Variants in ARHGAP24 observed in about 807,000 individuals in gnomAD.
The protein encoded by ARHGAP24 is Rho GTPase activating protein 24.
Under a neutral mutation model 76.4 loss-of-function variants are expected in ARHGAP24, and 50 were observed. That is an observed-to-expected ratio of 0.65 (90% CI 0.52 to 0.83). ARHGAP24 has a LOEUF of 0.83. Ranked by LOEUF, ARHGAP24 falls within the 40% of genes least tolerant of loss-of-function variation. The pLI is 0.00. For synonymous variants in ARHGAP24, 345 were observed against 323.3 expected, an observed-to-expected ratio of 1.07 and a Z score of -0.72; for missense variants, 930 against 914.2, an observed-to-expected ratio of 1.02 and a Z score of -0.22.
intron 3 of ARHGAP24, among the ~76,000 whole-genome samples, chr4:85,762,083 G>A (rs1403506258): frequency 6.6e-6 from 1 of 152,174 alleles, no homozygotes; most frequent in Non-Finnish European, 1.5e-5. Flanking sequence ...CATCCCATCA[G>A]TGGACACATC....
chr4:85,682,578 T>C (rs1560583545), intron 2 of ARHGAP24, among the ~76,000 whole-genome samples: 1 of 152,212 alleles, frequency 6.6e-6, no homozygotes, highest in Non-Finnish European at 1.5e-5. Flanking sequence ...AAATGCAGAA[T>C]CATCAGTTTA....
At chr4:85,740,899 G>A (rs1377272786) in intron 3 of ARHGAP24, among the ~76,000 whole-genome samples, 2 of 152,130 alleles carry the variant, frequency 1.3e-5, no homozygotes, top group Non-Finnish European at 2.9e-5. Flanking sequence ...GCATAAAAAA[G>A]CAGTAATGAA....
chr4:85,731,064 T>C (rs1578179686), intron 3 of ARHGAP24, among the ~76,000 whole-genome samples: 2 of 151,746 alleles, frequency 1.3e-5, no homozygotes, highest in East Asian at 3.9e-4. Flanking sequence ...TGTGTATATA[T>C]ACATATATGT....
At chr4:85,551,647 T>G (rs1469399799) in intron 1 of ARHGAP24, among the ~76,000 whole-genome samples, 5 of 152,200 alleles carry the variant, frequency 3.3e-5, no homozygotes, top group African/African-American at 1.2e-4. Context: ...AGAATTTGGC[T>G]GTGGTCCTGG....
intron 8 of ARHGAP24, among the ~76,000 whole-genome samples, chr4:85,983,496 GA>G (rs771031301): frequency 1.3e-5 from 2 of 151,838 alleles, no homozygotes; most frequent in East Asian, 3.9e-4. Flanking sequence ...CATCTCATTG[GA>G]ACTTAAACAA....
intron 2 of ARHGAP24, among the ~76,000 whole-genome samples, chr4:85,720,056 T>C (rs892218896): frequency 4.6e-5 from 7 of 151,324 alleles, no homozygotes; most frequent in African/African-American, 1.2e-4. Context: ...TAGCTGGGAA[T>C]TGAACAGTGA....
chr4:85,697,962 T>C (rs1319252745), intron 2 of ARHGAP24, among the ~76,000 whole-genome samples: 1 of 152,224 alleles, frequency 6.6e-6, no homozygotes, highest in Admixed American at 6.5e-5. Flanking sequence ...ATGTTCATTG[T>C]TTAATCTTGA....
chr4:85,507,121 G>A (rs142716556), intron 1 of ARHGAP24, among the ~76,000 whole-genome samples: 1 of 152,260 alleles, frequency 6.6e-6, no homozygotes, highest in African/African-American at 2.4e-5. Context: ...ATGAACTGAG[G>A]GAGAATGCTT....
intron 2 of ARHGAP24, 85 bp from the exon 3 acceptor site, chr4:85,721,800 C>A: frequency 8.4e-7 from 1 of 1,186,364 alleles, no homozygotes; most frequent in Non-Finnish European, 1.3e-6. Context: ...GTTATAGCTA[C>A]ACCTTGGATA....
rs1438254132 is a variant in ARHGAP24, at chr4:85,888,179, G to T, written c.269-35469G>T. 2.0e-5 allele frequency among the ~76,000 whole-genome samples: 3 copies of T among 152,064 alleles called. No individual in the cohort carries two copies. The East Asian group carries it at 5.8e-4, about 29-fold the overall frequency. On this transcript the variant is annotated intron_variant, in intron 3 of 9. Transcript: ENST00000395184. ...GCATTTTGGGAGGCCAAGGCAGGTG[G>T]ATCACGAGGTCAGGAGTTTGAGACC...
chr4:85,629,404 G>A (rs923944840), intron 2 of ARHGAP24, among the ~76,000 whole-genome samples: 2 of 151,998 alleles, frequency 1.3e-5, no homozygotes, highest in African/African-American at 4.8e-5. Context: ...TATAATAATA[G>A]AGTCTTCTGA....
chr4:85,876,356 G>C (rs971586704), intron 3 of ARHGAP24, among the ~76,000 whole-genome samples: 1 of 152,134 alleles, frequency 6.6e-6, no homozygotes, highest in Non-Finnish European at 1.5e-5. Flanking sequence ...TAGTTTGTTG[G>C]AAGGAAACTT....
At chr4:85,697,490 G>A (rs1308837994) in intron 2 of ARHGAP24, among the ~76,000 whole-genome samples, 3 of 151,656 alleles carry the variant, frequency 2.0e-5, no homozygotes, top group African/African-American at 7.3e-5. Flanking sequence ...AAAACTTAAA[G>A]TATAATAATA....
Position 85,995,178 on chromosome 4 carries a change from T to C in ARHGAP24, c.1524T>C (p.Tyr508=), listed in dbSNP as rs1264750600. ...VRNMSWLPNG[Y]VTLRDNKQKE... is the part of the protein sequence containing the mutation. The stretch of plus-strand genomic sequence containing the variant: ...ACATGAGCTGGCTGCCAAATGGCTA[T>C]GTGACCCTGAGGGATAACAAGCAGA... Residue 508 remains tyrosine, a synonymous_variant, in exon 9 of 10, where the codon TAT becomes TAC. Transcript: ENST00000395184. The C allele has an allele frequency of 5.0e-6, 8 of 1,613,982 alleles. No homozygotes were observed. Among genetic ancestry groups the C allele is most frequent in the Non-Finnish European group, 5.9e-6 (7 of 1,180,010 alleles).
chr4:85,564,288 A>C (rs10084886), intron 1 of ARHGAP24, among the ~76,000 whole-genome samples: 36,314 of 151,810 alleles, frequency 0.24, 4,620 homozygotes, highest in African/African-American at 0.28. Context: ...TTATGGCTGC[A>C]AGGACAAAAA....
chr4:85,942,387 A>C, intron 5 of ARHGAP24, 114 bp downstream of exon 5: 1 of 1,269,720 alleles, frequency 7.9e-7, no homozygotes, highest in Non-Finnish European at 1.1e-6. Context: ...TTTACAACAT[A>C]GATTATTTGG....
intron 3 of ARHGAP24, among the ~76,000 whole-genome samples, chr4:85,864,207 T>C (rs984249322): frequency 1.3e-5 from 2 of 152,012 alleles, no homozygotes; most frequent in Admixed American, 1.3e-4. Flanking sequence ...TGCTCTTTGT[T>C]AGAAAATGAT....
At chr4:85,952,387 A>G (rs1310895312) in intron 5 of ARHGAP24, among the ~76,000 whole-genome samples, 1 of 152,202 alleles carries the variant, frequency 6.6e-6, no homozygotes, top group Non-Finnish European at 1.5e-5. Flanking sequence ...TTTTGCACAT[A>G]TCTGTCCTCA....
intron 1 of ARHGAP24, among the ~76,000 whole-genome samples, chr4:85,500,752 A>G (rs1462305864): frequency 6.6e-6 from 1 of 152,118 alleles, no homozygotes; most frequent in Non-Finnish European, 1.5e-5. Context: ...GTTCTAGGGT[A>G]CATGTGCACA....
Sources: allele counts gnomAD v4.1 joint callset (sites outside exome capture counted in the v4.1 genomes callset), GRCh38; gene constraint gnomAD v4.1.1; transcripts MANE v1.5; gene names NCBI Gene and HGNC (gene_info 2026-07-23, HGNC 2026-07-21).